Variants in CHD1 observed in about 807,000 individuals in gnomAD.
CHD1 encodes the protein chromodomain helicase DNA binding protein 1.
A neutral mutation model predicts 224.2 loss-of-function variants in CHD1; 36 were observed. The observed-to-expected ratio is 0.16, with a 90% CI of 0.12 to 0.21. CHD1 has a LOEUF of 0.21. CHD1 is among the 10% of genes least tolerant of loss of function. CHD1 has a pLI of 1.00. For synonymous variants in CHD1, 668 were observed against 658.3 expected (o/e 1.01, Z -0.23); for missense variants, 1,378 against 1,994.8 (o/e 0.69, Z 5.89).
intron 18 of CHD1, among the ~76,000 whole-genome samples, chr5:98,884,274 C>G (rs1183619739): frequency 6.6e-6 from 1 of 151,848 alleles, no homozygotes; most frequent in East Asian, 1.9e-4. Context: ...TGGGGTTTCA[C>G]TGTGTTAGCC....
At chr5:98,921,937 G>A (rs561196901) in intron 2 of CHD1, among the ~76,000 whole-genome samples, 1 of 152,248 alleles carries the variant, frequency 6.6e-6, no homozygotes, top group South Asian at 2.1e-4. Context: ...GGATCACAAG[G>A]TCAGGAGTTC....
At chr5:98,891,064 A>T (rs1262359193) in intron 15 of CHD1, among the ~76,000 whole-genome samples, 1 of 152,124 alleles carries the variant, frequency 6.6e-6, no homozygotes, top group African/African-American at 2.4e-5. Context: ...AAATTGTGAA[A>T]ATTTTAAAGT....
rs200392569 is a variant in CHD1, at chr5:98,902,989, A to T, written c.373-25T>A. 2.0e-4 allele frequency: 269 copies of T among 1,371,786 alleles called. No homozygotes were observed. In the African/African-American group the frequency reaches 3.2e-3, roughly 17 times the overall value. 85.0% of individuals were successfully genotyped at this position (1,371,786 alleles called of 1,614,324 possible). A position where few individuals can be genotyped will look rare whatever the true frequency, so the allele number is the denominator to read the frequency against. ...CCTGTAGAAAAGAAATAAAGTCAGT[A>T]TCATCCACTAATGATTAGAATTTAA... On this transcript the variant is annotated intron_variant, in intron 4 of 35. Transcript: ENST00000614616.
chr5:98,905,022 T>G lies in CHD1; in HGVS notation c.130A>C (p.Ser44Arg). The change falls in exon 3 of 36, where the codon AGT becomes CGT. Residue 44 changes from serine to arginine, a missense_variant. Physicochemically the swap from Ser to Arg is moderately radical, Grantham distance 110. This residue lies in a region of CHD1 where 306 missense variants were observed against 298.1 expected (regional missense o/e 1.03). Transcript: ENST00000614616. The stretch of plus-strand genomic sequence containing the variant: ...GAGTCACTGCTACCTGACTGGCTAC[T>G]GCTTCCATCACTACTGCTTCCAGAA... ...SSSGSSSDGS[S>R]SQSGSSDSDS... The G allele has an allele frequency of 1.3e-6, 2 of 1,571,458 alleles. No homozygotes were observed. Among genetic ancestry groups the G allele is most frequent in the Non-Finnish European group, 1.8e-6 (2 of 1,141,052 alleles).
chr5:98,882,121 C>T lies in CHD1; in HGVS notation c.2721G>A (p.Val907=), dbSNP rs927809815. The T allele has an allele frequency of 2.5e-6, 4 of 1,611,672 alleles. No individual in the cohort carries two copies. In the Admixed American group the frequency reaches 6.7e-5, roughly 27 times the overall value. The change falls in exon 20 of 36, where the codon GTG becomes GTA. Residue 907 remains valine (V), a splice_region_variant and synonymous_variant. Transcript: ENST00000614616. ...RAHRIGQKKQ[V]NIYRLVTKGS... ...CCTTTGTAACTAGACGATAAATATTCACCTGTAAAAATACACATGAGGAAA... is the reference window on the plus strand; with the variant it reads ...CCTTTGTAACTAGACGATAAATATTTACCTGTAAAAATACACATGAGGAAA...
intron 33 of CHD1, 78 bp from the exon 34 acceptor site, chr5:98,859,093 AAT>A (rs1748269181): frequency 3.8e-6 from 4 of 1,059,652 alleles, no homozygotes; most frequent in Non-Finnish European, 5.6e-6. Flanking sequence ...ATTCTTAGAA[AAT>A]ACTGATAATG....
chr5:98,867,578 ATATT>A (rs1367579621), intron 31 of CHD1, among the ~76,000 whole-genome samples: 3 of 150,196 alleles, frequency 2.0e-5, no homozygotes, highest in African/African-American at 7.6e-5. Flanking sequence ...GTGTGTGTAC[ATATT>A]TATTTTTTAA....
At chr5:98,915,201 C>G (rs1299873794) in intron 2 of CHD1, among the ~76,000 whole-genome samples, 1 of 152,172 alleles carries the variant, frequency 6.6e-6, no homozygotes, top group East Asian at 1.9e-4. Flanking sequence ...TGGAAAACAT[C>G]TTCTCATTTG....
chr5:98,872,527 T>C lies in CHD1; in HGVS notation c.3600A>G (p.Pro1200=). 1 of 1,613,656 alleles carries C rather than the reference T, an allele frequency of 6.2e-7. No homozygotes were observed. Among genetic ancestry groups the C allele is most frequent in the Non-Finnish European group, 8.5e-7 (1 of 1,179,870 alleles). ...CCTGTACTCCTGATATTCGGAATGT[T>C]GGACCCTTCACTTTTCCGAGTCTAC... ...TGGRLGKVKG[P]TFRISGVQVN... is the part of the protein sequence containing the mutation. The change falls in exon 27 of 36, where the codon CCA becomes CCG. Residue 1200 remains proline, a synonymous_variant. Coordinates refer to ENST00000614616, the MANE Select transcript of CHD1 (RefSeq NM_001270.4).
In CHD1 at chr5:98,879,636, T is replaced by C. The variant is rs1750023245; in HGVS notation, c.3153A>G (p.Gln1051=). 1.2e-6 allele frequency: 2 copies of C among 1,610,036 alleles called. No homozygotes were observed. The highest frequency in any genetic ancestry group is 2.2e-5 in the South Asian group (2 of 90,234). The change falls in exon 23 of 36, where the codon CAA becomes CAG. Residue 1051 remains glutamine (Q), a synonymous_variant. Transcript: ENST00000614616. Reference sequence around the variant, plus strand: ...TTTCTTCTTCTTCTAATCGTCTTCTTTGATCTTCTGGAATAATTTCCTCCC... The same window carrying C: ...TTTCTTCTTCTTCTAATCGTCTTCTCTGATCTTCTGGAATAATTTCCTCCC... ...KNWEEIIPED[Q]RRRLEEEERQ...
rs1483818570 is a variant in CHD1 at position 98,883,168 on chromosome 5, C to T, written c.2638G>A (p.Val880Ile). ...GGATTCCAATCGGAATCAAATATAACAACAGTGTCAGCAGAGGCTAAATTA... is the reference window on the plus strand; with the variant it reads ...GGATTCCAATCGGAATCAAATATAATAACAGTGTCAGCAGAGGCTAAATTA... Reference protein sequence around the residue: ...GINLASADTVVIFDSDWNPQN... With the variant: ...GINLASADTVIIFDSDWNPQN... Residue 880 changes from valine to isoleucine, a missense_variant, in exon 19 of 36, where the codon GTT (valine) becomes ATT (isoleucine). Val to Ile is a conservative substitution (Grantham distance 29). Coordinates refer to ENST00000614616, the MANE Select transcript of CHD1 (RefSeq NM_001270.4). 2 of 1,609,868 alleles carry T rather than the reference C, an allele frequency of 1.2e-6. No homozygotes were observed. The highest frequency in any genetic ancestry group is 1.7e-6 in the Non-Finnish European group (2 of 1,178,028).
intron 2 of CHD1, among the ~76,000 whole-genome samples, chr5:98,909,800 T>C (rs978819420): frequency 6.6e-6 from 1 of 152,156 alleles, no homozygotes; most frequent in African/African-American, 2.4e-5. Flanking sequence ...TTTGAACTTA[T>C]TTTATAAATT....
chr5:98,889,259 A>G (rs1580437189), intron 15 of CHD1, 21 bp from the exon 16 acceptor site: 1 of 1,530,500 alleles, frequency 6.5e-7, no homozygotes, highest in African/African-American at 1.4e-5. Flanking sequence ...AAAATTATGA[A>G]AACGATGTTT....
At chr5:98,909,136 A>G (rs1337020180) in intron 2 of CHD1, among the ~76,000 whole-genome samples, 3 of 152,184 alleles carry the variant, frequency 2.0e-5, no homozygotes, top group African/African-American at 7.2e-5. Context: ...AATATTAAAG[A>G]TATTTAATAT....
chr5:98,875,465 C>T (rs1441375358), intron 24 of CHD1, among the ~76,000 whole-genome samples: 1 of 152,164 alleles, frequency 6.6e-6, no homozygotes, highest in Non-Finnish European at 1.5e-5. Flanking sequence ...TATTACACTT[C>T]CTCACATTCC....
chr5:98,902,999 A>C, intron 4 of CHD1, 35 bp from the exon 5 acceptor site: 1 of 1,256,494 alleles, frequency 8.0e-7, no homozygotes, highest in African/African-American at 1.5e-5. Context: ...ATCATCCACT[A>C]ATGATTAGAA....
At position 98,907,545 on chromosome 5, in the gene CHD1, G is replaced by A. The variant is rs974337694; in HGVS notation, c.54-2447C>T. ...GGAGGTTGCAGTGAGCCAAGTTCAC[G>A]CCATTGCACTCCAGCCTGGGCAACA... On this transcript the variant is annotated intron_variant, in intron 2 of 35. Coordinates refer to ENST00000614616, the MANE Select transcript of CHD1 (RefSeq NM_001270.4). Among the ~76,000 whole-genome samples, 7 of 132,640 alleles carry A rather than the reference G, an allele frequency of 5.3e-5. 1 individual carries two copies. The East Asian group carries it at 1.3e-3, about 24-fold the overall frequency. The allele number at this position is 132,640 out of a possible 152,430, so 87.0% of individuals were successfully genotyped here.
At chr5:98,865,514 T>A (rs973261467) in intron 31 of CHD1, among the ~76,000 whole-genome samples, 6 of 152,242 alleles carry the variant, frequency 3.9e-5, no homozygotes, top group African/African-American at 1.4e-4. Flanking sequence ...TAGTATTTAA[T>A]CTATTTTATA....
intron 4 of CHD1, among the ~76,000 whole-genome samples, 172 bp downstream of exon 4, chr5:98,903,620 G>T (rs537131320): frequency 6.6e-6 from 1 of 152,212 alleles, no homozygotes; most frequent in African/African-American, 2.4e-5. Context: ...CCTAAAATTG[G>T]AATTACTGGA....
Sources: allele counts gnomAD v4.1 joint callset (sites outside exome capture counted in the v4.1 genomes callset), GRCh38; gene constraint gnomAD v4.1.1; regional missense constraint gnomAD v4.1.1; transcripts MANE v1.5; gene names NCBI Gene and HGNC (gene_info 2026-07-23, HGNC 2026-07-21).